Variants in SMOC1 observed in about 807,000 individuals in gnomAD.
The protein encoded by SMOC1 is SPARC related modular calcium binding 1, also known as SPARC-related modular calcium-binding protein 1.
A neutral mutation model predicts 56.3 loss-of-function variants in SMOC1; 22 were observed. The ratio of observed to expected loss-of-function variants is 0.39; its 90% CI spans 0.28 to 0.56. The LOEUF is 0.56. Ranked by LOEUF, SMOC1 falls within the 20% of genes least tolerant of loss-of-function variation. The pLI is 0.61. For synonymous variants in SMOC1, 193 were observed against 215.0 expected (o/e 0.90, Z 0.89); for missense variants, 509 against 565.4 (o/e 0.90, Z 1.01).
intron 1 of SMOC1, among the ~76,000 whole-genome samples, chr14:69,946,161 C>G (rs12897618): frequency 0.49 from 74,586 of 151,958 alleles, 19,513 homozygotes; most frequent in African/African-American, 0.67. Context: ...GGCAGGGCTT[C>G]CATTCTACTA....
intron 2 of SMOC1, 68 bp from the exon 3 acceptor site, chr14:69,953,352 C>A: frequency 1.4e-6 from 2 of 1,469,970 alleles, no homozygotes; most frequent in Non-Finnish European, 1.9e-6. Flanking sequence ...GTTTTCTCAG[C>A]CATTTTGTCC....
In SMOC1 at chr14:70,023,266, G is replaced by A; in HGVS notation, c.1110G>A (p.Gln370=). 6.2e-7 allele frequency: 1 copy of A among 1,614,190 alleles called. No homozygotes were observed. Among genetic ancestry groups the A allele is most frequent in the Non-Finnish European group, 8.5e-7 (1 of 1,180,030 alleles). The change falls in exon 11 of 12, where the codon CAG becomes CAA. Residue 370 remains glutamine, a synonymous_variant. Transcript: ENST00000361956. ...GGGTAGTGCACTGGTATTTCAGCCA[G>A]CTGGACAGCAATAGCAGCAACGACA... The part of the protein sequence containing the change: ...EERVVHWYFS[Q]LDSNSSNDIN...
chr14:69,956,235 C>T (rs927522876), intron 3 of SMOC1, among the ~76,000 whole-genome samples: 1 of 152,220 alleles, frequency 6.6e-6, no homozygotes. Flanking sequence ...TGAAGGCTAG[C>T]TCACTCTGGT....
intron 1 of SMOC1, among the ~76,000 whole-genome samples, chr14:69,884,474 A>G (rs1040294093): frequency 6.6e-6 from 1 of 151,830 alleles, no homozygotes. Context: ...TCATTTGTCT[A>G]TTTTTGCTTT....
chr14:70,003,718 G>C (rs1885052854), intron 7 of SMOC1, among the ~76,000 whole-genome samples: 1 of 152,164 alleles, frequency 6.6e-6, no homozygotes, highest in Non-Finnish European at 1.5e-5. Flanking sequence ...AGGACAAGGG[G>C]CCCACGAGGG....
chr14:70,024,579 G>A (rs924392566), intron 11 of SMOC1, among the ~76,000 whole-genome samples: 2 of 152,076 alleles, frequency 1.3e-5, no homozygotes, highest in Non-Finnish European at 2.9e-5. Flanking sequence ...AGATGGCCAA[G>A]CAGAGAGGTC....
chr14:69,924,515 A>G (rs1041332795), intron 1 of SMOC1, among the ~76,000 whole-genome samples: 3 of 151,764 alleles, frequency 2.0e-5, no homozygotes, highest in African/African-American at 4.8e-5. Context: ...GTGCCCTCTT[A>G]TGGCACCCGG....
intron 1 of SMOC1, among the ~76,000 whole-genome samples, chr14:69,930,856 T>G (rs897220798): frequency 6.6e-6 from 1 of 152,224 alleles, no homozygotes; most frequent in African/African-American, 2.4e-5. Context: ...GAACCAGAGA[T>G]GGCGACAGCT....
intron 1 of SMOC1, among the ~76,000 whole-genome samples, chr14:69,891,745 C>G (rs1362630247): frequency 6.6e-6 from 1 of 152,116 alleles, no homozygotes; most frequent in Non-Finnish European, 1.5e-5. Flanking sequence ...TTCATCTTCT[C>G]CAAGTTATTC....
Position 69,993,401 on chromosome 14 carries a change from T to C in SMOC1, c.583+928T>C, listed in dbSNP as rs138555873. Among the ~76,000 whole-genome samples, 579 of 152,244 alleles carry C rather than the reference T, an allele frequency of 3.8e-3. 2 individuals carry two copies. The highest frequency in any genetic ancestry group is 0.013 in the African/African-American group (548 of 41,522). ...ATTCCCTTGATGAGGAACTGGAAGT[T>C]TGGCAGAGTGAAGTCTCTAAAGTAT... On this transcript the variant is annotated intron_variant, in intron 6 of 11. Coordinates refer to ENST00000361956, the MANE Select transcript of SMOC1 (RefSeq NM_001034852.3).
At chr14:69,880,394 G>T (rs902315213) in intron 1 of SMOC1, among the ~76,000 whole-genome samples, 8 of 152,122 alleles carry the variant, frequency 5.3e-5, no homozygotes, top group Non-Finnish European at 1.0e-4. Context: ...ATGTTCAGGG[G>T]TCTCTCCCCC....
At chr14:69,968,965 G>A (rs1385469177) in intron 3 of SMOC1, among the ~76,000 whole-genome samples, 1 of 152,204 alleles carries the variant, frequency 6.6e-6, no homozygotes, top group Non-Finnish European at 1.5e-5. Context: ...TGTCCTTGAA[G>A]TTCTGAGGCA....
intron 1 of SMOC1, among the ~76,000 whole-genome samples, chr14:69,926,225 G>A (rs1885008326): frequency 6.6e-6 from 1 of 152,218 alleles, no homozygotes; most frequent in Admixed American, 6.5e-5. Flanking sequence ...GGGCAGTGAT[G>A]AAGTTAAGCC....
chr14:69,912,034 A>G (rs1002216109), intron 1 of SMOC1, among the ~76,000 whole-genome samples: 2 of 152,044 alleles, frequency 1.3e-5, no homozygotes, highest in Non-Finnish European at 2.9e-5. Flanking sequence ...GATATTTTTT[A>G]TGTATTTATA....
intron 5 of SMOC1, among the ~76,000 whole-genome samples, chr14:69,980,732 A>T (rs1884147713): frequency 6.6e-6 from 1 of 152,196 alleles, no homozygotes; most frequent in South Asian, 2.1e-4. Context: ...GTGCCCGCAC[A>T]TGGCTTCTCA....
chr14:70,015,034 C>T (rs1337637678), intron 10 of SMOC1, among the ~76,000 whole-genome samples: 6 of 152,184 alleles, frequency 3.9e-5, no homozygotes, highest in African/African-American at 1.2e-4. Context: ...TGAGTGCACA[C>T]AATAGCCAAG....
intron 11 of SMOC1, among the ~76,000 whole-genome samples, chr14:70,027,427 C>T (rs557630923): frequency 6.6e-6 from 1 of 151,826 alleles, no homozygotes; most frequent in African/African-American, 2.4e-5. Flanking sequence ...CTGGGGGCAG[C>T]GTGGGCAGGA....
intron 3 of SMOC1, among the ~76,000 whole-genome samples, chr14:69,972,322 C>T (rs17107501): frequency 6.6e-6 from 1 of 152,000 alleles, no homozygotes; most frequent in African/African-American, 2.4e-5. Flanking sequence ...TCACTCGGGG[C>T]TCCTTCAGCT....
intron 5 of SMOC1, among the ~76,000 whole-genome samples, chr14:69,983,323 A>G (rs912235287): frequency 2.6e-5 from 4 of 152,310 alleles, no homozygotes; most frequent in African/African-American, 9.6e-5. Flanking sequence ...GCTTTTACTC[A>G]GCAAATATTT....
Sources: allele counts gnomAD v4.1 joint callset (sites outside exome capture counted in the v4.1 genomes callset), GRCh38; gene constraint gnomAD v4.1.1; transcripts MANE v1.5; gene names NCBI Gene and HGNC (gene_info 2026-07-23, HGNC 2026-07-21).